USP30: variants seen among roughly 807,000 people sequenced by gnomAD.
USP30 encodes ubiquitin specific peptidase 30, also known as ubiquitin carboxyl-terminal hydrolase 30.
A neutral mutation model predicts 68.2 loss-of-function variants in USP30; 41 were observed. The ratio of observed to expected loss-of-function variants is 0.60; its 90% CI spans 0.47 to 0.78. USP30 has a LOEUF of 0.78. Ranked by LOEUF, USP30 falls within the 30% of genes least tolerant of loss-of-function variation. USP30 has a pLI of 0.00. For missense variants in USP30, 522 were observed against 649.4 expected (o/e 0.80, Z 2.13); for synonymous variants, 229 against 253.7 (o/e 0.90, Z 0.93).
chr12:109,034,602 T>A (rs897858840), intron 3 of USP30, among the ~76,000 whole-genome samples: 3 of 152,170 alleles, frequency 2.0e-5, no homozygotes, highest in Non-Finnish European at 4.4e-5. Context: ...ATTCTGCTGC[T>A]GTTGGGTGAT....
intron 7 of USP30, among the ~76,000 whole-genome samples, chr12:109,079,716 A>G (rs555823979): frequency 2.0e-5 from 3 of 151,768 alleles, no homozygotes; most frequent in Admixed American, 1.3e-4. Flanking sequence ...CAAATTTTTC[A>G]TCGTAATCAC....
chr12:109,071,127 G>A (rs1279374897), intron 4 of USP30, among the ~76,000 whole-genome samples: 1 of 152,164 alleles, frequency 6.6e-6, no homozygotes, highest in African/African-American at 2.4e-5. Flanking sequence ...TGGGGAAGGG[G>A]AAATGGGAAA....
At chr12:109,048,728 A>G (rs948848949), upstream of USP30, among the ~76,000 whole-genome samples, 7 of 132,840 alleles carry the variant, frequency 5.3e-5, no homozygotes, top group African/African-American at 1.7e-4. Flanking sequence ...CAACAGAGTG[A>G]GACTCTGTCT....
At chr12:109,068,429 AC>A (rs2041328501) in intron 4 of USP30, among the ~76,000 whole-genome samples, 1 of 152,064 alleles carries the variant, frequency 6.6e-6, no homozygotes, top group African/African-American at 2.4e-5. Flanking sequence ...GCTTTCTAGC[AC>A]CCCTTATTTT....
chr12:109,047,631 G>C (rs549570715), upstream of USP30: 7 of 152,284 alleles, frequency 4.6e-5, no homozygotes, highest in South Asian at 1.5e-3. Flanking sequence ...AAGGAAGCAA[G>C]CTCTGCATAT....
chr12:109,047,401 T>A (rs1018503674), intron 3 of USP30, among the ~76,000 whole-genome samples: 2 of 152,128 alleles, frequency 1.3e-5, no homozygotes, highest in African/African-American at 4.8e-5. Context: ...TGACATGCTG[T>A]GTGAGGTGGA....
rs1345338063 is a variant in USP30, at chr12:109,067,645, A to G, written c.480+18A>G. The G allele has an allele frequency of 1.2e-6, 2 of 1,610,090 alleles. No individual in the cohort carries two copies. Among genetic ancestry groups the G allele is most frequent in the Non-Finnish European group, 1.7e-6 (2 of 1,176,638 alleles). ...AAGAACAGGTGAGTACAACATTTGA[A>G]CAGGTTTAGCTTGGAGAATCCTTTC... On this transcript the variant is annotated intron_variant, in intron 4 of 12. Transcript: ENST00000257548.
intron 5 of USP30, 109 bp from the exon 6 acceptor site, chr12:109,072,196 T>G (rs2041464011): frequency 1.1e-6 from 1 of 928,332 alleles, no homozygotes; most frequent in African/African-American, 1.7e-5. Flanking sequence ...AAGTTGATTT[T>G]TAGTGGTGTA....
intron 3 of USP30, among the ~76,000 whole-genome samples, chr12:109,039,469 G>A (rs1405980904): frequency 6.6e-6 from 1 of 152,096 alleles, no homozygotes; most frequent in Non-Finnish European, 1.5e-5. Context: ...CTGTAAAATG[G>A]CACTAATTAT....
intron 3 of USP30, among the ~76,000 whole-genome samples, chr12:109,046,033 C>T (rs978844465): frequency 6.7e-6 from 1 of 148,806 alleles, no homozygotes; most frequent in Non-Finnish European, 1.5e-5. Context: ...TGTTGCAATT[C>T]AGGCAGTCTG....
intron 3 of USP30, among the ~76,000 whole-genome samples, chr12:109,045,605 A>T (rs1462822124): frequency 6.6e-6 from 1 of 152,184 alleles, no homozygotes; most frequent in Non-Finnish European, 1.5e-5. Context: ...TCCGGGCTTT[A>T]GCTTCCTCTT....
chr12:109,075,606 C>T (rs2135792603), intron 7 of USP30, among the ~76,000 whole-genome samples: 1 of 152,348 alleles, frequency 6.6e-6, no homozygotes, highest in South Asian at 2.1e-4. Flanking sequence ...CCTGTCTCGG[C>T]CTCCCAAAGT....
At chr12:109,058,995 A>G in intron 3 of USP30, among the ~76,000 whole-genome samples, 1 of 152,188 alleles carries the variant, frequency 6.6e-6, no homozygotes, top group East Asian at 1.9e-4. Flanking sequence ...AATACTCAGT[A>G]CTGTTTGACC....
At chr12:109,054,723 A>G (rs1489480690) in intron 1 of USP30, 1 of 152,220 alleles carries the variant, frequency 6.6e-6, no homozygotes, top group African/African-American at 2.4e-5. Flanking sequence ...TGTACAGATG[A>G]GGAAACTGAG....
chr12:109,050,969 G>A (rs1473337259), upstream of USP30, among the ~76,000 whole-genome samples: 5 of 152,126 alleles, frequency 3.3e-5, no homozygotes, highest in East Asian at 3.9e-4. Flanking sequence ...CAGCCTGGGC[G>A]GCAGAGCAAG....
chr12:109,073,322 T>C (rs2041502367), intron 6 of USP30, 116 bp from the exon 7 acceptor site: 3 of 697,598 alleles, frequency 4.3e-6, no homozygotes, highest in Non-Finnish European at 7.5e-6. Context: ...AATGTACTTT[T>C]CAAGAATATT....
At chr12:109,073,625 A>G (rs2041511054) in intron 7 of USP30, 93 bp downstream of exon 7, 10 of 1,142,852 alleles carry the variant, frequency 8.8e-6, no homozygotes, top group Non-Finnish European at 1.3e-5. Flanking sequence ...GACATCGGTC[A>G]CTGGTGTTAG....
chr12:109,077,720 C>T (rs554023720), intron 7 of USP30, among the ~76,000 whole-genome samples: 1 of 152,070 alleles, frequency 6.6e-6, no homozygotes, highest in Admixed American at 6.5e-5. Flanking sequence ...TTTCTTGTTC[C>T]TCTGTTCCCC....
intron 11 of USP30, among the ~76,000 whole-genome samples, chr12:109,084,318 C>T (rs1326196776): frequency 1.3e-5 from 2 of 152,142 alleles, no homozygotes; most frequent in Admixed American, 6.5e-5. Context: ...GTAAATATGG[C>T]CTTAATTATG....
Sources: gnomAD v4.1 joint callset for allele counts (sites outside exome capture counted in the v4.1 genomes callset) on GRCh38, gnomAD v4.1.1 for gene constraint, MANE v1.5 for transcripts, NCBI Gene and HGNC (gene_info 2026-07-23, HGNC 2026-07-21) for gene names.